RASGRF1: variants seen among roughly 807,000 people sequenced by gnomAD.
RASGRF1 encodes the protein Ras protein specific guanine nucleotide releasing factor 1, also known as ras-specific guanine nucleotide-releasing factor 1.
RASGRF1 carries 40 observed loss-of-function variants against 138.7 expected under a neutral mutation model. The ratio of observed to expected loss-of-function variants is 0.29; its 90% CI spans 0.22 to 0.38. The LOEUF (loss-of-function observed/expected upper bound fraction) is 0.38, where lower values mean the gene tolerates loss of function less well. Among genes scored for constraint, RASGRF1 ranks in the 10% least tolerant of loss-of-function variants. The pLI is 1.00. For missense variants in RASGRF1, 1,108 were observed against 1,650.4 expected, an observed-to-expected ratio of 0.67 and a Z score of 5.69; for synonymous variants, 614 against 663.2, an observed-to-expected ratio of 0.93 and a Z score of 1.14.
rs1046376217 is a variant in RASGRF1 at position 78,973,219 on chromosome 15, G to A, written c.3612+84C>T. The A allele has an allele frequency of 1.9e-5, 22 of 1,151,144 alleles. No homozygotes were observed. Among genetic ancestry groups the A allele is most frequent in the African/African-American group, 4.7e-5 (3 of 64,434 alleles). 71.3% of individuals were successfully genotyped at this position (1,151,144 alleles called of 1,614,324 possible). A position where few individuals can be genotyped will look rare whatever the true frequency, so the allele number is the denominator to read the frequency against. On this transcript the variant is annotated intron_variant, in intron 25 of 26. Coordinates refer to ENST00000558480, the MANE Select transcript of RASGRF1 (RefSeq NM_001145648.3). This position sits in a 1 kb window ranked among gnomAD's most constrained non-coding sequence, Gnocchi z 4.9. ...CACCCTATGCAGCAGGTTGGGCCTTGGGGGGCAGAGTGTGGGTGGGCCCCA... is the reference window on the plus strand; with the variant it reads ...CACCCTATGCAGCAGGTTGGGCCTTAGGGGGCAGAGTGTGGGTGGGCCCCA...
intron 1 of RASGRF1, among the ~76,000 whole-genome samples, chr15:79,086,121 G>A (rs982998928): frequency 6.6e-6 from 1 of 152,178 alleles, no homozygotes; most frequent in Non-Finnish European, 1.5e-5. Context: ...TCTGGAACGG[G>A]TTGGGTAGTC....
chr15:79,054,436 T>C (rs769558032), intron 3 of RASGRF1, among the ~76,000 whole-genome samples: 13 of 152,242 alleles, frequency 8.5e-5, no homozygotes, highest in Non-Finnish European at 1.5e-4. Flanking sequence ...GAGCCTCCTC[T>C]GAGTCGTTGT....
chr15:79,028,734 A>G (rs533245482), intron 8 of RASGRF1, among the ~76,000 whole-genome samples: 1 of 152,300 alleles, frequency 6.6e-6, no homozygotes, highest in African/African-American at 2.4e-5. Flanking sequence ...GCAAAGTACA[A>G]AACCTTTTAT....
At chr15:78,993,386 G>GGTGT in intron 20 of RASGRF1, among the ~76,000 whole-genome samples, 1 of 123,934 alleles carries the variant, frequency 8.1e-6, no homozygotes, top group Admixed American at 7.8e-5. Context: ...TGTGTGTGTG[G>GGTGT]GTGTGTGTGT....
intron 12 of RASGRF1, among the ~76,000 whole-genome samples, chr15:79,017,338 C>G (rs1244730651): frequency 6.6e-6 from 1 of 152,210 alleles, no homozygotes; most frequent in Non-Finnish European, 1.5e-5. Context: ...GGACACCGTT[C>G]TCTCGCTGTG....
At chr15:79,056,435 A>G (rs1159864967) in intron 3 of RASGRF1, among the ~76,000 whole-genome samples, 2 of 152,150 alleles carry the variant, frequency 1.3e-5, no homozygotes, top group Non-Finnish European at 2.9e-5. Context: ...GAGTGGGGAC[A>G]TCCCTGAACT....
chr15:79,004,096 G>C lies in RASGRF1; in HGVS notation c.2155C>G (p.Arg719Gly), dbSNP rs749995837. ...AGAGGTGGCGGCGAGGAGAACTTGC[G>C]GGTGGCGCGCGGGGACTTGGGGGGT... ...GEPPKSPRATRKFSSPPPLSI... is the reference protein window; with the variant it reads ...GEPPKSPRATGKFSSPPPLSI... The change falls in exon 15 of 27, where the codon CGC becomes GGC. Residue 719 changes from arginine (R) to glycine (G), a missense_variant. Coordinates refer to ENST00000558480, the MANE Select transcript of RASGRF1 (RefSeq NM_001145648.3). 6.2e-7 allele frequency: 1 copy of C among 1,613,832 alleles called. No homozygotes were observed. Among genetic ancestry groups the C allele is most frequent in the Non-Finnish European group, 8.5e-7 (1 of 1,180,012 alleles).
chr15:79,012,369 G>T, intron 13 of RASGRF1: 6 of 748,376 alleles, frequency 8.0e-6, no homozygotes, highest in Non-Finnish European at 1.4e-5. Flanking sequence ...TCATCTTCTG[G>T]ACCTCGCCTG....
chr15:79,061,413 A>AATATATATATATATATATATAT (rs57956576), intron 2 of RASGRF1, among the ~76,000 whole-genome samples: 8,896 of 115,664 alleles, frequency 0.077, 624 homozygotes, highest in Admixed American at 0.084. Flanking sequence ...CTATCTTTAA[A>AATATATATATATATATATATAT]ATATATATAT....
intron 3 of RASGRF1, among the ~76,000 whole-genome samples, chr15:79,057,756 C>T (rs2057530154): frequency 6.6e-6 from 1 of 152,212 alleles, no homozygotes; most frequent in Admixed American, 6.5e-5. Flanking sequence ...AATGCTGCTG[C>T]TTCATGGACC....
At chr15:78,972,056 T>A (rs2055771603) in intron 25 of RASGRF1, 122 bp from the exon 26 acceptor site, 2 of 871,652 alleles carry the variant, frequency 2.3e-6, no homozygotes, top group East Asian at 4.9e-5. Flanking sequence ...CCATACATGT[T>A]GCCTCCTGGA....
At position 79,027,708 on chromosome 15, in the gene RASGRF1, G is replaced by A. The variant is rs1278432316; in HGVS notation, c.1381+33C>T. ...CTCCCGCTGCTGGGGCCCACCTGGT[G>A]GGGGCAGGGGAGACAGGGTGCAGAG... On this transcript the variant is annotated intron_variant, in intron 9 of 26. Transcript: ENST00000558480. This position sits in a 1 kb window ranked among gnomAD's most constrained non-coding sequence, Gnocchi z 4.8. 6.3e-7 allele frequency: 1 copy of A among 1,594,246 alleles called. No individual in the cohort carries two copies. The highest frequency in any genetic ancestry group is 1.3e-5 in the African/African-American group (1 of 74,588).
chr15:78,960,768 A>AC lies in RASGRF1; in HGVS notation c.*1375dup, dbSNP rs1176511939. The AC allele has an allele frequency of 6.6e-6, 1 of 152,150 alleles. No homozygotes were observed. Among genetic ancestry groups the AC allele is most frequent in the Non-Finnish European group, 1.5e-5 (1 of 68,022 alleles). 9.4% of individuals were successfully genotyped at this position (152,150 alleles called of 1,614,324 possible). ...ATAGGCAACTGAAACAGTCTTCCCC[A>AC]CCAAACTGTTGGTGCCTAAAAAGCA... is the stretch of plus-strand genomic sequence containing the variant. On this transcript the variant is annotated 3_prime_UTR_variant, in exon 27 of 27. Coordinates refer to ENST00000558480, the MANE Select transcript of RASGRF1 (RefSeq NM_001145648.3).
rs963141424 is a variant in RASGRF1 at position 79,050,267 on chromosome 15, C to T, written c.532-679G>A. Among the ~76,000 whole-genome samples the T allele has an allele frequency of 4.6e-5, 7 of 152,178 alleles. No homozygotes were observed. Among genetic ancestry groups the T allele is most frequent in the Admixed American group, 6.5e-5 (1 of 15,276 alleles). On this transcript the variant is annotated intron_variant, in intron 3 of 26. Transcript: ENST00000558480. The surrounding 1 kb of genome is among the most constrained non-coding windows in gnomAD (Gnocchi z 4.1). ...CATGCACTATTTGTCTTTCTGTGAC[C>T]GGCTTATTTCATGGTGCATAATGTC... is the stretch of plus-strand genomic sequence containing the variant.
At chr15:78,982,304 T>C (rs191399789) in intron 23 of RASGRF1, among the ~76,000 whole-genome samples, 122 of 152,306 alleles carry the variant, frequency 8.0e-4, no homozygotes, top group African/African-American at 2.7e-3. Context: ...TGGAACCAAT[T>C]TGTGGCTCTG....
At chr15:79,067,008 G>C (rs575361897) in intron 1 of RASGRF1, among the ~76,000 whole-genome samples, 1 of 152,204 alleles carries the variant, frequency 6.6e-6, no homozygotes, top group African/African-American at 2.4e-5. Flanking sequence ...TAGGCCCCAC[G>C]ACCTTTCTCC....
chr15:79,076,394 G>A (rs1293124977), intron 1 of RASGRF1, among the ~76,000 whole-genome samples: 3 of 152,168 alleles, frequency 2.0e-5, no homozygotes, highest in South Asian at 2.1e-4. Flanking sequence ...GAGGAGCAAC[G>A]TGGTTGTTGT....
At chr15:78,983,384 C>A (rs1185659901) in intron 23 of RASGRF1, among the ~76,000 whole-genome samples, 1 of 152,236 alleles carries the variant, frequency 6.6e-6, no homozygotes, top group Non-Finnish European at 1.5e-5. Flanking sequence ...CATGCCCTGA[C>A]CACTGACTGT....
intron 10 of RASGRF1, among the ~76,000 whole-genome samples, chr15:79,020,599 G>A (rs2056947011): frequency 6.6e-6 from 1 of 152,218 alleles, no homozygotes; most frequent in Non-Finnish European, 1.5e-5. Flanking sequence ...AGGTCCGCTG[G>A]CAAGTTAGCA....
Sources: allele counts gnomAD v4.1 joint callset (sites outside exome capture counted in the v4.1 genomes callset), GRCh38; gene constraint gnomAD v4.1.1; non-coding constraint Gnocchi (gnomAD v3.1); transcripts MANE v1.5; gene names NCBI Gene and HGNC (gene_info 2026-07-23, HGNC 2026-07-21).